Variants in PIK3C2G observed in about 807,000 individuals in gnomAD.
PIK3C2G encodes phosphatidylinositol 3-kinase C2 domain-containing subunit gamma.
A neutral mutation model predicts 181.1 loss-of-function variants in PIK3C2G; 168 were observed. The observed-to-expected ratio is 0.93, with a 90% confidence interval of 0.82 to 1.05. The LOEUF (loss-of-function observed/expected upper bound fraction) is 1.05, where lower values mean the gene tolerates loss of function less well. Among genes scored for constraint, PIK3C2G ranks in the 50% least tolerant of loss-of-function variants. The pLI is 0.00. For missense variants in PIK3C2G, 1,869 were observed against 1,732.8 expected (o/e 1.08, Z -1.40); for synonymous variants, 573 against 592.2 (o/e 0.97, Z 0.47).
chr12:18,351,682 C>T (rs1276299129), intron 11 of PIK3C2G, among the ~76,000 whole-genome samples: 1 of 152,208 alleles, frequency 6.6e-6, no homozygotes, highest in Non-Finnish European at 1.5e-5. Flanking sequence ...AAGCTCCTTA[C>T]ATAAAATGGC....
At chr12:18,441,585 T>A (rs1233450039) in intron 18 of PIK3C2G, among the ~76,000 whole-genome samples, 1 of 151,748 alleles carries the variant, frequency 6.6e-6, no homozygotes, top group Admixed American at 6.6e-5. Context: ...GAGGAGAAAA[T>A]GAAGAGTGGA....
chr12:18,383,206 T>C (rs74070253), intron 14 of PIK3C2G, among the ~76,000 whole-genome samples: 2,337 of 152,262 alleles, frequency 0.015, 70 homozygotes, highest in African/African-American at 0.054. Context: ...TTCAATCACA[T>C]TTGATTCATG....
intron 31 of PIK3C2G, among the ~76,000 whole-genome samples, chr12:18,630,296 G>A (rs567004963): frequency 4.6e-5 from 7 of 152,244 alleles, no homozygotes; most frequent in African/African-American, 9.6e-5. Flanking sequence ...GGAGGCTGAG[G>A]CAGGAGAATC....
chr12:18,388,086 T>C (rs929434019), intron 14 of PIK3C2G, among the ~76,000 whole-genome samples: 3 of 152,128 alleles, frequency 2.0e-5, no homozygotes, highest in Admixed American at 1.3e-4. Context: ...TTAGAACACA[T>C]TGTATTTTTA....
intron 4 of PIK3C2G, among the ~76,000 whole-genome samples, chr12:18,293,503 T>G (rs778736222): frequency 1.3e-5 from 2 of 152,132 alleles, no homozygotes; most frequent in African/African-American, 4.8e-5. Flanking sequence ...ATGTCTCACT[T>G]TGGTTGAAAA....
chr12:18,260,216 C>A (rs1355676978), upstream of PIK3C2G, among the ~76,000 whole-genome samples: 1 of 151,896 alleles, frequency 6.6e-6, no homozygotes, highest in Non-Finnish European at 1.5e-5. Flanking sequence ...ATTTGTAGAT[C>A]CAAAATGTTT....
chr12:18,683,006 G>A, the PIK3C2G span, among the ~76,000 whole-genome samples: 2 of 151,958 alleles, frequency 1.3e-5, no homozygotes, highest in Non-Finnish European at 2.9e-5. Context: ...AGCAGCAGAA[G>A]GGCAGGAGAA....
intron 30 of PIK3C2G, among the ~76,000 whole-genome samples, chr12:18,597,806 G>T (rs943952968): frequency 6.6e-6 from 1 of 151,756 alleles, no homozygotes; most frequent in Admixed American, 6.6e-5. Context: ...AAAGTCTCAG[G>T]ATACAAAATC....
In PIK3C2G at chr12:18,630,206, C is replaced by A. The variant is rs1448983666; in HGVS notation, c.4183-10223C>A. Reference sequence around the variant, plus strand: ...AGGAATTTGACACCAGCCTGGCCAACATGGTGAAACCCTGTCTCTACTAAA... The same window carrying A: ...AGGAATTTGACACCAGCCTGGCCAAAATGGTGAAACCCTGTCTCTACTAAA... On this transcript the variant is annotated intron_variant, in intron 31 of 32. Coordinates refer to ENST00000538779, the MANE Select transcript of PIK3C2G (RefSeq NM_001288772.2). 3.9e-5 allele frequency among the ~76,000 whole-genome samples: 6 copies of A among 152,218 alleles called. No homozygotes were observed. In the East Asian group the frequency reaches 1.2e-3, roughly 29 times the overall value.
chr12:18,594,780 G>C (rs1401929660), intron 30 of PIK3C2G, among the ~76,000 whole-genome samples: 1 of 151,856 alleles, frequency 6.6e-6, no homozygotes, highest in African/African-American at 2.4e-5. Context: ...TAGAGGTGTG[G>C]GGCTTTGATG....
chr12:18,721,948 A>G, the PIK3C2G span, among the ~76,000 whole-genome samples: 1 of 151,906 alleles, frequency 6.6e-6, no homozygotes, highest in African/African-American at 2.4e-5. Context: ...GCCTATAAGA[A>G]CCTATATGGT....
At chr12:18,711,957 G>C in the PIK3C2G span, among the ~76,000 whole-genome samples, 2 of 151,896 alleles carry the variant, frequency 1.3e-5, no homozygotes, top group African/African-American at 4.8e-5. Flanking sequence ...TATTTATTTT[G>C]TACTCCATTT....
Position 18,554,982 on chromosome 12 carries a change from T to G in PIK3C2G, c.3591-7721T>G, listed in dbSNP as rs186474516. Among the ~76,000 whole-genome samples, 12 of 152,194 alleles carry G rather than the reference T, an allele frequency of 7.9e-5. No homozygotes were observed. The East Asian group carries it at 2.3e-3, about 29-fold the overall frequency. The stretch of plus-strand genomic sequence containing the variant: ...AAGTTTGAGATTTAGATGAAGAAAT[T>G]TGTTCATGGGGAGTCAGTCAATTGC... On this transcript the variant is annotated intron_variant, in intron 26 of 32. Transcript: ENST00000538779.
chr12:18,460,495 A>C (rs1007688177), intron 18 of PIK3C2G, among the ~76,000 whole-genome samples: 4 of 151,464 alleles, frequency 2.6e-5, no homozygotes, highest in Non-Finnish European at 4.4e-5. Context: ...AGTCGCTTGA[A>C]CCCGGGAGGC....
At chr12:18,636,560 T>C (rs1949613369) in intron 31 of PIK3C2G, among the ~76,000 whole-genome samples, 1 of 152,172 alleles carries the variant, frequency 6.6e-6, no homozygotes, top group African/African-American at 2.4e-5. Context: ...TTGATAAAAA[T>C]AGCATTTGCC....
At chr12:18,313,162 T>C (rs1011808499) in intron 5 of PIK3C2G, among the ~76,000 whole-genome samples, 5 of 152,174 alleles carry the variant, frequency 3.3e-5, no homozygotes, top group Non-Finnish European at 7.3e-5. Context: ...ACTTATATAG[T>C]AGAAGCCCTT....
intron 20 of PIK3C2G, among the ~76,000 whole-genome samples, chr12:18,494,703 C>A (rs1361846859): frequency 6.6e-6 from 1 of 152,140 alleles, no homozygotes; most frequent in African/African-American, 2.4e-5. Context: ...GATCTACACT[C>A]ATTTCTTGCC....
the PIK3C2G span, among the ~76,000 whole-genome samples, chr12:18,705,899 C>A: frequency 1.4e-4 from 21 of 150,566 alleles, no homozygotes; most frequent in African/African-American, 4.6e-4. Flanking sequence ...ATAAATTATA[C>A]CATATCCATA....
intron 14 of PIK3C2G, among the ~76,000 whole-genome samples, chr12:18,388,581 T>A (rs1446322244): frequency 6.6e-6 from 1 of 152,178 alleles, no homozygotes; most frequent in African/African-American, 2.4e-5. Flanking sequence ...AGCACGTGTG[T>A]CTTATAATAC....
Sources: allele counts gnomAD v4.1 joint callset (sites outside exome capture counted in the v4.1 genomes callset), GRCh38; gene constraint gnomAD v4.1.1; transcripts MANE v1.5; gene names NCBI Gene and HGNC (gene_info 2026-07-23, HGNC 2026-07-21).